The following GRIK1 variants were observed in gnomAD, a reference collection of about 807,000 sequenced individuals.
GRIK1 encodes the protein glutamate ionotropic receptor kainate type subunit 1, also known as glutamate receptor ionotropic, kainate 1.
A neutral mutation model predicts 105.7 loss-of-function variants in GRIK1; 69 were observed. The ratio of observed to expected loss-of-function variants is 0.65; its 90% CI spans 0.54 to 0.80. The LOEUF is 0.80. GRIK1 is among the 30% of genes least tolerant of loss of function. GRIK1 has a pLI of 0.00. For synonymous variants in GRIK1, 438 were observed against 431.3 expected (o/e 1.02, Z -0.19); for missense variants, 1,109 against 1,167.3 (o/e 0.95, Z 0.73).
intron 14 of GRIK1, among the ~76,000 whole-genome samples, chr21:29,570,856 T>TTTTTG (rs2090729086): frequency 6.6e-6 from 1 of 151,730 alleles, no homozygotes. Context: ...TTTTTTTTTT[T>TTTTTG]GATGGACAAA....
At chr21:29,938,395 G>A (rs1008783808) in intron 1 of GRIK1, among the ~76,000 whole-genome samples, 2 of 152,250 alleles carry the variant, frequency 1.3e-5, no homozygotes, top group African/African-American at 4.8e-5. Context: ...GGTTGGGAAA[G>A]GAGGAGGGCA....
At chr21:29,648,544 A>G (rs2062663103) in intron 6 of GRIK1, among the ~76,000 whole-genome samples, 1 of 147,938 alleles carries the variant, frequency 6.8e-6, no homozygotes, top group African/African-American at 2.4e-5. Context: ...TATTAAATAC[A>G]TATTTATTGA....
chr21:29,913,672 A>AATATATATATATATATATATATATATAT (rs60924907), intron 1 of GRIK1, among the ~76,000 whole-genome samples: 2 of 144,570 alleles, frequency 1.4e-5, no homozygotes, highest in African/African-American at 5.1e-5. Context: ...AGAAACACTA[A>AATATATATATATATATATATATATATAT]ATATATATAT....
chr21:29,632,884 A>G (rs2062313360), intron 7 of GRIK1, among the ~76,000 whole-genome samples: 1 of 152,166 alleles, frequency 6.6e-6, no homozygotes, highest in Non-Finnish European at 1.5e-5. Flanking sequence ...TCACCCAGCC[A>G]CTGATTGACT....
chr21:29,672,837 A>T, intron 4 of GRIK1, 146 bp downstream of exon 4: 1 of 650,192 alleles, frequency 1.5e-6, no homozygotes. Context: ...TTGCCTGTTT[A>T]AAAGGGCTCT....
intron 1 of GRIK1, among the ~76,000 whole-genome samples, chr21:29,857,119 T>G (rs1288877556): frequency 1.3e-5 from 2 of 152,304 alleles, no homozygotes; most frequent in African/African-American, 4.8e-5. Context: ...TTTGTTTCAG[T>G]TTCAAATGTA....
chr21:29,880,874 T>A (rs560310031), intron 1 of GRIK1, among the ~76,000 whole-genome samples: 3 of 152,194 alleles, frequency 2.0e-5, no homozygotes, highest in Admixed American at 2.0e-4. Context: ...TTAAAACACT[T>A]AAGCTGGAAG....
rs1441843849 is a variant in GRIK1, at chr21:29,537,215, A to G, written c.*15T>C. 1.3e-6 allele frequency: 2 copies of G among 1,566,206 alleles called. No homozygotes were observed. Among genetic ancestry groups the G allele is most frequent in the African/African-American group, 1.4e-5 (1 of 71,868 alleles). On this transcript the variant is annotated 3_prime_UTR_variant, in exon 18 of 18. Transcript: ENST00000327783. ...GGGAATGCATCCTTTTTCTTCCTAC[A>G]GGCGTTTCCTTGGATCACGCCACAG...
At chr21:29,810,392 A>G (rs1045541070) in intron 1 of GRIK1, among the ~76,000 whole-genome samples, 3 of 149,340 alleles carry the variant, frequency 2.0e-5, no homozygotes, top group African/African-American at 7.4e-5. Context: ...AGAGATACAA[A>G]GTGAGCACAT....
At chr21:29,878,476 C>G (rs528575413) in intron 1 of GRIK1, among the ~76,000 whole-genome samples, 1 of 151,988 alleles carries the variant, frequency 6.6e-6, no homozygotes, top group East Asian at 1.9e-4. Flanking sequence ...AAGGAGCAGT[C>G]AAAGTAAAAT....
At chr21:29,678,276 G>A (rs1005803072) in intron 3 of GRIK1, among the ~76,000 whole-genome samples, 24 of 152,216 alleles carry the variant, frequency 1.6e-4, no homozygotes, top group African/African-American at 5.5e-4. Flanking sequence ...AAATGAAAAC[G>A]GGTATGTGAG....
intron 15 of GRIK1, among the ~76,000 whole-genome samples, chr21:29,556,279 T>G (rs1201914579): frequency 2.6e-5 from 4 of 152,204 alleles, no homozygotes; most frequent in Non-Finnish European, 5.9e-5. Flanking sequence ...TATGTATGTT[T>G]AGCCAACCCA....
chr21:29,545,154 A>G (rs1324722788), intron 16 of GRIK1, among the ~76,000 whole-genome samples: 1 of 152,260 alleles, frequency 6.6e-6, no homozygotes, highest in Non-Finnish European at 1.5e-5. Context: ...AGCTGATGGT[A>G]TAAAAGGGAG....
chr21:29,644,665 G>A (rs138814598), intron 6 of GRIK1, among the ~76,000 whole-genome samples: 1 of 152,230 alleles, frequency 6.6e-6, no homozygotes, highest in African/African-American at 2.4e-5. Flanking sequence ...ACCGGTATAA[G>A]GCTACTCTGT....
At chr21:29,595,856 C>T (rs1267428829) in intron 9 of GRIK1, among the ~76,000 whole-genome samples, 4 of 152,176 alleles carry the variant, frequency 2.6e-5, no homozygotes, top group African/African-American at 9.7e-5. Flanking sequence ...TATGCACATT[C>T]ATTGGCAACA....
Position 29,939,614 on chromosome 21 carries a change from A to T in GRIK1, c.-114T>A. 3 of 636,510 alleles carry T rather than the reference A, an allele frequency of 4.7e-6. No individual in the cohort carries two copies. The South Asian group carries it at 6.3e-5, about 13-fold the overall frequency. 39.4% of individuals were successfully genotyped at this position (636,510 alleles called of 1,614,324 possible). Reference sequence around the variant, plus strand: ...CTCTCTGGATGCTCCGGTTCCAAGCACGCTGCGCGCTCCCCACGGAGCGAG... The same window carrying T: ...CTCTCTGGATGCTCCGGTTCCAAGCTCGCTGCGCGCTCCCCACGGAGCGAG... On this transcript the variant is annotated 5_prime_UTR_variant, in exon 1 of 18. Coordinates refer to ENST00000327783, the MANE Select transcript of GRIK1 (RefSeq NM_001330994.2).
chr21:29,629,742 G>A lies in GRIK1; in HGVS notation c.1098+13084C>T, dbSNP rs542832370. Among the ~76,000 whole-genome samples the A allele has an allele frequency of 5.3e-5, 8 of 152,276 alleles. No individual in the cohort carries two copies. In the East Asian group the frequency reaches 5.8e-4, roughly 11 times the overall value. ...CTGACCTTGTGATCTGCCTGCCTCG[G>A]CCTCCCAAAGTGCTGGGATTACAGG... On this transcript the variant is annotated intron_variant, in intron 7 of 17. Coordinates refer to ENST00000327783, the MANE Select transcript of GRIK1 (RefSeq NM_001330994.2).
intron 1 of GRIK1, among the ~76,000 whole-genome samples, chr21:29,803,220 C>A (rs2066761869): frequency 6.6e-6 from 1 of 152,098 alleles, no homozygotes; most frequent in African/African-American, 2.4e-5. Context: ...TAAATTCCAA[C>A]TTTATTTATT....
At chr21:29,871,760 A>ATTTTTTTT (rs35513177) in intron 1 of GRIK1, among the ~76,000 whole-genome samples, 1 of 121,152 alleles carries the variant, frequency 8.3e-6, no homozygotes, top group Non-Finnish European at 1.6e-5. Flanking sequence ...AATCTTTTTA[A>ATTTTTTTT]TTTTTTTTTT....
Sources: gnomAD v4.1 joint callset for allele counts (sites outside exome capture counted in the v4.1 genomes callset) on GRCh38, gnomAD v4.1.1 for gene constraint, MANE v1.5 for transcripts, NCBI Gene and HGNC (gene_info 2026-07-23, HGNC 2026-07-21) for gene names.